Variants in PRPF8 observed in about 807,000 individuals in gnomAD.
PRPF8 encodes pre-mRNA-processing-splicing factor 8.
In PRPF8, 64 loss-of-function variants were observed where a neutral mutation model predicts 285.9. That is an observed-to-expected ratio of 0.22 (90% CI 0.18 to 0.28). PRPF8 has a LOEUF of 0.28. PRPF8 is among the 10% of genes least tolerant of loss of function. PRPF8 has a pLI of 1.00. For synonymous variants in PRPF8, 1,325 were observed against 1,118.2 expected, an observed-to-expected ratio of 1.18 and a Z score of -3.69; for missense variants, 1,426 against 3,026.7, an observed-to-expected ratio of 0.47 and a Z score of 12.41.
intron 21 of PRPF8, 23 bp downstream of exon 21, chr17:1,674,419 T>G: frequency 1.2e-6 from 2 of 1,608,784 alleles, no homozygotes; most frequent in Non-Finnish European, 1.7e-6. Flanking sequence ...CCTGCAAGGC[T>G]AGGAATCCAG....
rs1163117683 is a variant in PRPF8, at chr17:1,674,567, G to A, written c.3174C>T (p.Ala1058=). ...TCTGAGGGGGCCCAGCCATCTCACT[G>A]GCCCGGTGCAATCCCAATACAAGCA... ...MDLLVLGLHR[A]SEMAGPPQMP... Residue 1058 remains alanine, a synonymous_variant, in exon 21 of 43, where the codon GCC becomes GCT. Transcript: ENST00000304992. 2 of 1,614,028 alleles carry A rather than the reference G, an allele frequency of 1.2e-6. No homozygotes were observed. The highest frequency in any genetic ancestry group is 1.7e-6 in the Non-Finnish European group (2 of 1,180,042).
Position 1,679,818 on chromosome 17 carries a change from T to C in PRPF8, c.1099-19A>G. 6 of 1,614,062 alleles carry C rather than the reference T, an allele frequency of 3.7e-6. No individual in the cohort carries two copies. Among genetic ancestry groups the C allele is most frequent in the Non-Finnish European group, 4.2e-6 (5 of 1,179,900 alleles). On this transcript the variant is annotated intron_variant, in intron 8 of 42. Coordinates refer to ENST00000304992, the MANE Select transcript of PRPF8 (RefSeq NM_006445.4). This position sits in a 1 kb window ranked among gnomAD's most constrained non-coding sequence, Gnocchi z 4.7. The stretch of plus-strand genomic sequence containing the variant: ...CCTGGCTCTGAAAAAGGAATCCCTC[T>C]AAGGGTTTAGCTCCTGCTGAACTAG...
In PRPF8 at chr17:1,674,627, T is replaced by C. The variant is rs1401904786; in HGVS notation, c.3114A>G (p.Ser1038=). ...YGIIRGLQFA[S]FIVQYYGLVM... ...CCAGGCCATAATACTGCACGATGAA[T>C]GAGGCAAACTGCAGGCCTCTGATGA... The change falls in exon 21 of 43, where the codon TCA becomes TCG. Residue 1038 remains serine, a synonymous_variant. Coordinates refer to ENST00000304992, the MANE Select transcript of PRPF8 (RefSeq NM_006445.4). The C allele has an allele frequency of 1.2e-6, 2 of 1,614,152 alleles. No individual in the cohort carries two copies. Among genetic ancestry groups the C allele is most frequent in the South Asian group, 1.1e-5 (1 of 91,084 alleles).
In PRPF8 at chr17:1,679,305, C is replaced by T; in HGVS notation, c.1395G>A (p.Lys465=). The change falls in exon 10 of 43, where the codon AAG becomes AAA. Residue 465 remains lysine (K), a synonymous_variant. Transcript: ENST00000304992. This position sits in a 1 kb window ranked among gnomAD's most constrained non-coding sequence, Gnocchi z 4.7. ...VLNALKHRPP[K]AQKKRYLFRS... ...GGGCACCTTACCTCTTCTTTTGAGCCTTAGGGGGCCGATGCTTCAGGGCAT... is the reference window on the plus strand; with the variant it reads ...GGGCACCTTACCTCTTCTTTTGAGCTTTAGGGGGCCGATGCTTCAGGGCAT... The T allele has an allele frequency of 6.2e-7, 1 of 1,614,130 alleles. No homozygotes were observed. The highest frequency in any genetic ancestry group is 8.5e-7 in the Non-Finnish European group (1 of 1,180,030).
At chr17:1,681,713 A>G (rs763011202) in intron 5 of PRPF8, 23 bp from the exon 6 acceptor site, 207 of 1,612,534 alleles carry the variant, frequency 1.3e-4, no homozygotes, top group Non-Finnish European at 1.7e-4. Context: ...TGAAAGGCCC[A>G]CCTCAAGTAA....
Position 1,677,713 on chromosome 17 carries a change from G to T in PRPF8, c.1855-19C>A. 1 of 1,613,638 alleles carries T rather than the reference G, an allele frequency of 6.2e-7. No homozygotes were observed. The highest frequency in any genetic ancestry group is 1.1e-5 in the South Asian group (1 of 91,050). On this transcript the variant is annotated intron_variant, in intron 13 of 42. Coordinates refer to ENST00000304992, the MANE Select transcript of PRPF8 (RefSeq NM_006445.4). Reference sequence around the variant, plus strand: ...CAGGGCCCTACGATCCCAAGCAGAAGTTAAGAATACAAGTTAGCAATGCAT... The same window carrying T: ...CAGGGCCCTACGATCCCAAGCAGAATTTAAGAATACAAGTTAGCAATGCAT...
At chr17:1,669,526 T>C (rs974418284) in intron 24 of PRPF8, among the ~76,000 whole-genome samples, 4 of 152,236 alleles carry the variant, frequency 2.6e-5, no homozygotes, top group Admixed American at 2.6e-4. Context: ...TGGCATCTGA[T>C]GTCCTTCCTT....
chr17:1,672,381 G>A (rs1912374521), intron 24 of PRPF8, among the ~76,000 whole-genome samples: 1 of 152,168 alleles, frequency 6.6e-6, no homozygotes, highest in Non-Finnish European at 1.5e-5. Flanking sequence ...CTGGGTTCAA[G>A]CAATTCTCCT....
chr17:1,666,061 G>A lies in PRPF8; in HGVS notation c.3775-3908C>T, dbSNP rs141116615. On this transcript the variant is annotated intron_variant, in intron 24 of 42. Coordinates refer to ENST00000304992, the MANE Select transcript of PRPF8 (RefSeq NM_006445.4). ...GGGCACCTGTAGTCCCAGCTACTTG[G>A]GAGCTGAAGCAGGAGAATGGCGTGA... 9.7e-3 allele frequency among the ~76,000 whole-genome samples: 1,467 copies of A among 151,366 alleles called. 26 individuals are homozygous for A. Among genetic ancestry groups the A allele is most frequent in the African/African-American group, 0.034 (1,387 of 41,186 alleles).
chr17:1,675,593 C>T lies in PRPF8; in HGVS notation c.2872+27G>A, dbSNP rs1051234433. ...AGAACTAAATTCCTGCCCCGTTCCT[C>T]ACAGGGCGATCTCATGAAAGTTCTA... is the stretch of plus-strand genomic sequence containing the variant. On this transcript the variant is annotated intron_variant, in intron 19 of 42. Transcript: ENST00000304992. The surrounding 1 kb of genome is among the most constrained non-coding windows in gnomAD (Gnocchi z 6.0). 1 of 1,613,232 alleles carries T rather than the reference C, an allele frequency of 6.2e-7. No individual in the cohort carries two copies.
chr17:1,677,732 A>G, intron 13 of PRPF8, 38 bp from the exon 14 acceptor site: 2 of 1,613,670 alleles, frequency 1.2e-6, no homozygotes, highest in South Asian at 1.1e-5. Flanking sequence ...ACAAGTTAGC[A>G]ATGCATTTAA....
chr17:1,660,104 C>T, intron 30 of PRPF8, 103 bp from the exon 31 acceptor site: 3 of 1,361,044 alleles, frequency 2.2e-6, no homozygotes, highest in South Asian at 1.2e-5. Context: ...ATCCTCAGAG[C>T]TTCCAGGGTG....
In PRPF8 at chr17:1,673,665, C is replaced by T. The variant is rs1912448820; in HGVS notation, c.3446+81G>A. 5.0e-6 allele frequency: 8 copies of T among 1,611,932 alleles called. No homozygotes were observed. The highest frequency in any genetic ancestry group is 6.8e-6 in the Non-Finnish European group (8 of 1,179,220). ...CCTGACACAGCCACGCCTCTCCCAC[C>T]CAGGACGCAGCCTCAGGTATGCCCT... On this transcript the variant is annotated intron_variant, in intron 22 of 42. Transcript: ENST00000304992. The surrounding 1 kb of genome is among the most constrained non-coding windows in gnomAD (Gnocchi z 5.5).
chr17:1,651,725 T>G lies in PRPF8; in HGVS notation c.6433A>C (p.Ile2145Leu). ...GTGCCCCACTGCGGCACCATCACAA[T>G]GCAGCGGATCTCCTTCACCTGGGGG... ...DNPQVKEIRCIVMVPQWGTHQ... is the reference protein window; with the variant it reads ...DNPQVKEIRCLVMVPQWGTHQ... The change falls in exon 40 of 43, where the codon ATT becomes CTT. Residue 2145 changes from isoleucine (I) to leucine (L), a missense_variant. Physicochemically the swap from Ile to Leu is conservative, Grantham distance 5 (BLOSUM62 2). Around this residue, in one of 34 missense-constraint regions of PRPF8, gnomAD observed 160 missense variants for 373.7 expected, o/e 0.43. Coordinates refer to ENST00000304992, the MANE Select transcript of PRPF8 (RefSeq NM_006445.4). The surrounding 1 kb of genome is among the most constrained non-coding windows in gnomAD (Gnocchi z 5.1). 1 of 1,614,156 alleles carries G rather than the reference T, an allele frequency of 6.2e-7. No homozygotes were observed. The highest frequency in any genetic ancestry group is 8.5e-7 in the Non-Finnish European group (1 of 1,180,024).
In PRPF8 at chr17:1,676,359, G is replaced by A. The variant is rs148023159; in HGVS notation, c.2400C>T (p.Tyr800=). ...CTGCCACTGCTTCCTCCGCTGTGAT[G>A]TAAGGCCCGTCCTGTAAGGTGGACA... ...RQHNYLKDGP[Y]ITAEEAVAVY... is the part of the protein sequence containing the mutation. Residue 800 remains tyrosine, a synonymous_variant, in exon 17 of 43, where the codon TAC becomes TAT. Transcript: ENST00000304992. This position sits in a 1 kb window ranked among gnomAD's most constrained non-coding sequence, Gnocchi z 6.3. 29 of 1,614,158 alleles carry A rather than the reference G, an allele frequency of 1.8e-5. No homozygotes were observed. In the African/African-American group the frequency reaches 3.5e-4, roughly 19 times the overall value.
chr17:1,675,122 C>G lies in PRPF8; in HGVS notation c.3060+30G>C, dbSNP rs890125415. 3 of 1,612,148 alleles carry G rather than the reference C, an allele frequency of 1.9e-6. No homozygotes were observed. Among genetic ancestry groups the G allele is most frequent in the East Asian group, 4.5e-5 (2 of 44,884 alleles). ...GTGGGCCAGACAAGCACTCCACACA[C>G]AATTCCATGCTACTGCGCCTGAGAC... On this transcript the variant is annotated intron_variant, in intron 20 of 42. Coordinates refer to ENST00000304992, the MANE Select transcript of PRPF8 (RefSeq NM_006445.4). This position sits in a 1 kb window ranked among gnomAD's most constrained non-coding sequence, Gnocchi z 6.0.
chr17:1,662,840 A>G (rs1325149714), intron 24 of PRPF8, among the ~76,000 whole-genome samples: 1 of 150,070 alleles, frequency 6.7e-6, no homozygotes, highest in African/African-American at 2.5e-5. Context: ...CAAAAAAAAA[A>G]AAAAGAAAAG....
chr17:1,663,853 C>T (rs1911807998), intron 24 of PRPF8, among the ~76,000 whole-genome samples: 1 of 151,434 alleles, frequency 6.6e-6, no homozygotes, highest in African/African-American at 2.4e-5. Context: ...TGGAGTGGCA[C>T]TACTGATTAA....
chr17:1,670,791 C>T (rs1425575823), intron 24 of PRPF8, among the ~76,000 whole-genome samples: 5 of 152,146 alleles, frequency 3.3e-5, no homozygotes, highest in Admixed American at 3.3e-4. Flanking sequence ...CTGGCCTGCT[C>T]TCATCATTTT....
Sources: allele counts gnomAD v4.1 joint callset (sites outside exome capture counted in the v4.1 genomes callset), GRCh38; gene constraint gnomAD v4.1.1; regional missense constraint gnomAD v4.1.1; non-coding constraint Gnocchi (gnomAD v3.1); transcripts MANE v1.5; gene names NCBI Gene and HGNC (gene_info 2026-07-23, HGNC 2026-07-21).